The following RNF4 variants were observed in gnomAD, a reference collection of about 807,000 sequenced individuals.
The protein encoded by RNF4 is ring finger protein 4, also known as E3 ubiquitin-protein ligase RNF4.
In RNF4, 7 loss-of-function variants were observed where a neutral mutation model predicts 24.3. The ratio of observed to expected loss-of-function variants is 0.29; its 90% CI spans 0.16 to 0.54. RNF4 has a LOEUF of 0.54. Ranked by LOEUF, RNF4 falls within the 20% of genes least tolerant of loss-of-function variation. The pLI is 0.95. For synonymous variants in RNF4, 83 were observed against 84.3 expected (o/e 0.98, Z 0.09); for missense variants, 209 against 248.5 (o/e 0.84, Z 1.07).
chr4:2,485,225 C>G (rs1158044725), intron 1 of RNF4, among the ~76,000 whole-genome samples: 1 of 152,184 alleles, frequency 6.6e-6, no homozygotes, highest in Non-Finnish European at 1.5e-5. Flanking sequence ...GTCCCACTTC[C>G]GTGTTTGAGC....
At chr4:2,493,069 TGG>T (rs952579317) in intron 2 of RNF4, among the ~76,000 whole-genome samples, 7 of 151,696 alleles carry the variant, frequency 4.6e-5, no homozygotes, top group African/African-American at 1.5e-4. Context: ...AGGGCCAGAG[TGG>T]GGAGCTCTGC....
chr4:2,495,701 C>T (rs887295266), intron 2 of RNF4, among the ~76,000 whole-genome samples: 3 of 151,918 alleles, frequency 2.0e-5, no homozygotes, highest in African/African-American at 4.8e-5. Flanking sequence ...GGCACAATCT[C>T]GGCTCACCGC....
chr4:2,469,280 G>A (rs1734813987), intron 1 of RNF4, 22 bp downstream of exon 1: 1 of 152,200 alleles, frequency 6.6e-6, no homozygotes, highest in South Asian at 2.1e-4. Context: ...CCTTGCAGAT[G>A]CGAGGTTTAG....
At chr4:2,499,206 A>C in intron 3 of RNF4, 1 of 394,202 alleles carries the variant, frequency 2.5e-6, no homozygotes, top group Non-Finnish European at 5.0e-6. Context: ...CAAAAAAAAA[A>C]AGTTAAATGC....
rs543116791 is a variant in RNF4, at chr4:2,498,801, G to C, written c.124+1680G>C. On this transcript the variant is annotated intron_variant, in intron 3 of 7. Transcript: ENST00000314289. ...CCAAGTGTGGGAGGCTGAGGTAGGAGGATCACTTGAGCCTGGAACATTGAG... is the reference window on the plus strand; with the variant it reads ...CCAAGTGTGGGAGGCTGAGGTAGGACGATCACTTGAGCCTGGAACATTGAG... Among the ~76,000 whole-genome samples the C allele has an allele frequency of 7.2e-5, 11 of 152,262 alleles. No homozygotes were observed. The South Asian group carries it at 2.3e-3, about 32-fold the overall frequency.
chr4:2,470,334 G>C (rs1176571296), intron 1 of RNF4, among the ~76,000 whole-genome samples: 1 of 152,228 alleles, frequency 6.6e-6, no homozygotes, highest in Non-Finnish European at 1.5e-5. Flanking sequence ...CAATAAAAGA[G>C]ACATTGAAGG....
chr4:2,478,148 G>C (rs529881426), intron 1 of RNF4, among the ~76,000 whole-genome samples: 35 of 152,300 alleles, frequency 2.3e-4, no homozygotes, highest in African/African-American at 8.2e-4. Flanking sequence ...CTTTGAACTT[G>C]AGAAAGATGA....
chr4:2,513,236 T>C (rs1019874825), intron 7 of RNF4, 105 bp downstream of exon 7: 3 of 1,056,518 alleles, frequency 2.8e-6, no homozygotes, highest in Non-Finnish European at 4.4e-6. Context: ...ACACCCCTAC[T>C]CACAGTCATG....
intron 7 of RNF4, 92 bp from the exon 8 acceptor site, chr4:2,513,578 C>A: frequency 6.8e-7 from 1 of 1,475,878 alleles, no homozygotes; most frequent in Non-Finnish European, 9.3e-7. Context: ...TTTAATTAGT[C>A]ATCTTAGGCA....
intron 1 of RNF4, among the ~76,000 whole-genome samples, chr4:2,477,080 C>A (rs1051769629): frequency 2.6e-5 from 4 of 152,128 alleles, no homozygotes; most frequent in African/African-American, 9.7e-5. Context: ...CCATGCCCTG[C>A]CTACAGCCTC....
At chr4:2,471,963 C>T (rs987758243) in intron 1 of RNF4, among the ~76,000 whole-genome samples, 39 of 152,116 alleles carry the variant, frequency 2.6e-4, no homozygotes, top group African/African-American at 9.2e-4. Flanking sequence ...GAACATATAG[C>T]TAAAATAATT....
rs181366815 is a variant in RNF4 at position 2,504,164 on chromosome 4, A to G, written c.204+3426A>G. ...GAAGGGAAATGAAAAATGCGGTAAG[A>G]TGCAGTGAGAGACTTTGTTCATCTC... On this transcript the variant is annotated intron_variant, in intron 4 of 7. Coordinates refer to ENST00000314289, the MANE Select transcript of RNF4 (RefSeq NM_002938.5). Among the ~76,000 whole-genome samples the G allele has an allele frequency of 2.0e-5, 3 of 152,368 alleles. No individual in the cohort carries two copies. In the East Asian group the frequency reaches 5.8e-4, roughly 29 times the overall value.
intron 4 of RNF4, among the ~76,000 whole-genome samples, chr4:2,510,823 G>T (rs1736251675): frequency 6.6e-6 from 1 of 152,216 alleles, no homozygotes; most frequent in Admixed American, 6.5e-5. Context: ...TGGCCAGAAG[G>T]TGGGAGGAAC....
At position 2,515,580 on chromosome 4, in the gene RNF4, G is replaced by GT. The variant is rs1736392368; in HGVS notation, c.*1765dup. On this transcript the variant is annotated 3_prime_UTR_variant, in exon 8 of 8. Transcript: ENST00000314289. ...TGGTAACACCCATTTTAAAATTTAA[G>GT]TTTTGTCCTTAAAGACAACTTCAGT... 1 of 152,308 alleles carries GT rather than the reference G, an allele frequency of 6.6e-6. No homozygotes were observed. The highest frequency in any genetic ancestry group is 1.5e-5 in the Non-Finnish European group (1 of 68,038). 9.4% of individuals were successfully genotyped at this position (152,308 alleles called of 1,614,324 possible).
intron 4 of RNF4, among the ~76,000 whole-genome samples, chr4:2,508,992 C>A (rs1267880497): frequency 2.8e-5 from 4 of 144,640 alleles, no homozygotes; most frequent in African/African-American, 1.0e-4. Context: ...GATCTCAGCT[C>A]ACTGCAGCCT....
At chr4:2,478,945 C>T (rs540065268) in intron 1 of RNF4, among the ~76,000 whole-genome samples, 6 of 152,306 alleles carry the variant, frequency 3.9e-5, no homozygotes, top group African/African-American at 1.2e-4. Context: ...CACTCAACAC[C>T]ACCCAGTGAA....
rs1736287791 is a variant in RNF4 at position 2,512,187 on chromosome 4, CT to C, written c.214+224del. The C allele has an allele frequency of 4.7e-6, 3 of 643,204 alleles. No individual in the cohort carries two copies. Among genetic ancestry groups the C allele is most frequent in the Non-Finnish European group, 8.1e-6 (3 of 370,026 alleles). The allele number at this position is 643,204 out of a possible 1,614,324, so 39.8% of individuals were successfully genotyped here. A position where few individuals can be genotyped will look rare whatever the true frequency, so the allele number is the denominator to read the frequency against. On this transcript the variant is annotated intron_variant, in intron 5 of 7. Coordinates refer to ENST00000314289, the MANE Select transcript of RNF4 (RefSeq NM_002938.5). The surrounding 1 kb of genome is among the most constrained non-coding windows in gnomAD (Gnocchi z 4.1). ...ATTGAGCACTGAGCTATAGTCCTTT[CT>C]TGTGGCCTACCAGATTTTGGAGAAG...
In RNF4 at chr4:2,490,255, A is replaced by G. The variant is rs1177842835; in HGVS notation, c.-157-82A>G. 10 of 507,230 alleles carry G rather than the reference A, an allele frequency of 2.0e-5. No homozygotes were observed. The East Asian group carries it at 3.1e-4, about 16-fold the overall frequency. 31.4% of individuals were successfully genotyped at this position (507,230 alleles called of 1,614,324 possible). Reference sequence around the variant, plus strand: ...GTAAGCAAATAACCTAGGGACAGGAAGGACCAGTACATTATTGAGCTCAGC... The same window carrying G: ...GTAAGCAAATAACCTAGGGACAGGAGGGACCAGTACATTATTGAGCTCAGC... On this transcript the variant is annotated intron_variant, in intron 1 of 7. Transcript: ENST00000314289.
chr4:2,490,906 AACAT>A (rs1735560086), intron 2 of RNF4: 1 of 164,214 alleles, frequency 6.1e-6, no homozygotes, highest in African/African-American at 2.4e-5. Context: ...CAGCCAGGGC[AACAT>A]AGGCCCCATC....
Sources: gnomAD v4.1 joint callset for allele counts (sites outside exome capture counted in the v4.1 genomes callset) on GRCh38, gnomAD v4.1.1 for gene constraint, Gnocchi (gnomAD v3.1) non-coding constraint, MANE v1.5 for transcripts, NCBI Gene and HGNC (gene_info 2026-07-23, HGNC 2026-07-21) for gene names.